Variants in CDS1 observed in about 807,000 individuals in gnomAD.
The protein encoded by CDS1 is phosphatidate cytidylyltransferase 1.
A neutral mutation model predicts 62.1 loss-of-function variants in CDS1; 41 were observed. The observed-to-expected ratio is 0.66, with a 90% CI of 0.51 to 0.86. CDS1 has a LOEUF of 0.86. CDS1 is among the 40% of genes least tolerant of loss of function. The probability of loss-of-function intolerance (pLI) is 0.00; values close to 1 mark genes in which losing one functional copy is unlikely to be tolerated. For missense variants in CDS1, 470 were observed against 550.1 expected, an observed-to-expected ratio of 0.85 and a Z score of 1.46; for synonymous variants, 185 against 192.6, an observed-to-expected ratio of 0.96 and a Z score of 0.32.
intron 5 of CDS1, among the ~76,000 whole-genome samples, chr4:84,623,259 C>T (rs1384099502): frequency 2.0e-5 from 3 of 152,142 alleles, no homozygotes; most frequent in African/African-American, 7.2e-5. Context: ...GCATGGCCTG[C>T]TGTAGTTTCT....
chr4:84,643,748 G>A (rs1158399477), intron 11 of CDS1, among the ~76,000 whole-genome samples: 1 of 152,152 alleles, frequency 6.6e-6, no homozygotes, highest in African/African-American at 2.4e-5. Context: ...TCTGATCTGT[G>A]GGACATACTT....
intron 5 of CDS1, among the ~76,000 whole-genome samples, chr4:84,624,122 A>T (rs752999157): frequency 2.0e-5 from 3 of 151,638 alleles, no homozygotes; most frequent in Non-Finnish European, 4.4e-5. Context: ...ATACAAAAAA[A>T]AATTAGCTGG....
intron 1 of CDS1, among the ~76,000 whole-genome samples, chr4:84,589,219 T>C (rs1247026456): frequency 6.6e-6 from 1 of 152,224 alleles, no homozygotes. Flanking sequence ...ACTTAAGAAA[T>C]TAACATAGCT....
At chr4:84,643,755 A>G (rs1353406376) in intron 11 of CDS1, among the ~76,000 whole-genome samples, 1 of 152,192 alleles carries the variant, frequency 6.6e-6, no homozygotes, top group African/African-American at 2.4e-5. Flanking sequence ...TGTGGGACAT[A>G]CTTTTCTGAC....
chr4:84,602,432 G>A (rs1722965733), intron 1 of CDS1, among the ~76,000 whole-genome samples: 2 of 152,160 alleles, frequency 1.3e-5, no homozygotes, highest in African/African-American at 4.8e-5. Flanking sequence ...TTGAATGCTA[G>A]TCTAATGGTT....
At chr4:84,611,197 G>A (rs1445002863) in intron 3 of CDS1, among the ~76,000 whole-genome samples, 5 of 152,306 alleles carry the variant, frequency 3.3e-5, no homozygotes, top group Admixed American at 6.5e-5. Context: ...TGTTGGAACC[G>A]AGGAGAAATG....
intron 4 of CDS1, among the ~76,000 whole-genome samples, chr4:84,618,286 A>C (rs1033284913): frequency 7.2e-5 from 11 of 152,196 alleles, no homozygotes; most frequent in African/African-American, 2.4e-4. Context: ...GATGGGGTTT[A>C]GAATAGTCAA....
intron 1 of CDS1, among the ~76,000 whole-genome samples, chr4:84,593,320 C>T (rs561475727): frequency 2.6e-5 from 4 of 152,230 alleles, no homozygotes; most frequent in African/African-American, 9.6e-5. Context: ...GACTTATCCC[C>T]TCAGAGGTAT....
intron 7 of CDS1, among the ~76,000 whole-genome samples, chr4:84,634,684 C>T (rs777830878): frequency 6.6e-5 from 10 of 151,572 alleles, no homozygotes; most frequent in East Asian, 3.9e-4. Flanking sequence ...TGTGTATGTG[C>T]GTGTGTAAAG....
rs190190102 is a variant in CDS1 at position 84,638,296 on chromosome 4, A to G, written c.811-628A>G. ...AAACAATATCTCTTCTTTGAAGTGCAGCATGTTCCTTTCTTCTTGGAAATG... is the reference window on the plus strand; with the variant it reads ...AAACAATATCTCTTCTTTGAAGTGCGGCATGTTCCTTTCTTCTTGGAAATG... On this transcript the variant is annotated intron_variant, in intron 8 of 12. Transcript: ENST00000295887. Among the ~76,000 whole-genome samples the G allele has an allele frequency of 1.9e-3, 287 of 152,334 alleles. 2 individuals are homozygous for G. Among genetic ancestry groups the G allele is most frequent in the African/African-American group, 6.6e-3 (274 of 41,578 alleles).
At chr4:84,625,791 T>A (rs997078960) in intron 5 of CDS1, among the ~76,000 whole-genome samples, 2 of 151,520 alleles carry the variant, frequency 1.3e-5, no homozygotes, top group African/African-American at 4.9e-5. Context: ...GCAGACTAGA[T>A]AGGAAGTTAC....
At chr4:84,639,371 C>T (rs768435959) in intron 9 of CDS1, among the ~76,000 whole-genome samples, 5 of 152,310 alleles carry the variant, frequency 3.3e-5, no homozygotes, top group Non-Finnish European at 7.3e-5. Context: ...TGTGTAATAG[C>T]AGAGGATGCA....
chr4:84,605,543 A>G (rs901284328), intron 2 of CDS1, among the ~76,000 whole-genome samples: 9 of 152,060 alleles, frequency 5.9e-5, no homozygotes, highest in African/African-American at 1.9e-4. Flanking sequence ...TTGATCTGCT[A>G]TGAAAAGCAT....
chr4:84,616,019 C>T (rs1055134824), intron 3 of CDS1, among the ~76,000 whole-genome samples: 3 of 152,122 alleles, frequency 2.0e-5, no homozygotes, highest in African/African-American at 7.2e-5. Context: ...TTTGTTCTCT[C>T]CTCTCAGTAA....
chr4:84,639,831 T>A (rs1310774765), intron 9 of CDS1, among the ~76,000 whole-genome samples: 1 of 152,088 alleles, frequency 6.6e-6, no homozygotes, highest in Non-Finnish European at 1.5e-5. Context: ...CAATGAAAAT[T>A]TTAATAAAAT....
At chr4:84,585,799 G>A (rs1455704150) in intron 1 of CDS1, among the ~76,000 whole-genome samples, 1 of 152,188 alleles carries the variant, frequency 6.6e-6, no homozygotes, top group African/African-American at 2.4e-5. Flanking sequence ...GCAGAGGAAT[G>A]TTCCCAAGTG....
At chr4:84,599,411 T>C (rs1485631664) in intron 1 of CDS1, among the ~76,000 whole-genome samples, 400 of 13,876 alleles carry the variant, frequency 0.029, no homozygotes, top group African/African-American at 0.093. Flanking sequence ...CACACATATA[T>C]ATATATATAT....
chr4:84,636,778 G>A (rs1724226578), intron 8 of CDS1, among the ~76,000 whole-genome samples: 1 of 152,120 alleles, frequency 6.6e-6, no homozygotes, highest in Admixed American at 6.5e-5. Flanking sequence ...ACCTACCTCG[G>A]CCTCTGAAAG....
chr4:84,635,239 C>CTTTTTTTTTTTTTTTTTTT, intron 7 of CDS1, 25 bp from the exon 8 acceptor site: 1 of 1,035,208 alleles, frequency 9.7e-7, no homozygotes, highest in Non-Finnish European at 1.4e-6. Flanking sequence ...TTTCTGCTGA[C>CTTTTTTTTTTTTTTTTTTT]TTTTTTTTTT....
Sources: gnomAD v4.1 joint callset for allele counts (sites outside exome capture counted in the v4.1 genomes callset) on GRCh38, gnomAD v4.1.1 for gene constraint, MANE v1.5 for transcripts, NCBI Gene and HGNC (gene_info 2026-07-23, HGNC 2026-07-21) for gene names.